ANK3: variants seen among roughly 807,000 people sequenced by gnomAD.
ANK3 encodes the protein ankyrin 3, also known as ankyrin-3.
ANK3 carries 57 observed loss-of-function variants against 370.9 expected under a neutral mutation model. The observed-to-expected ratio is 0.15, with a 90% CI of 0.12 to 0.19. ANK3 has a LOEUF of 0.19. Among genes scored for constraint, ANK3 ranks in the 10% least tolerant of loss-of-function variants. The pLI, the probability that ANK3 is intolerant of heterozygous loss-of-function variation, is 1.00. For missense variants in ANK3, 4,439 were observed against 5,302.1 expected (o/e 0.84, Z 5.06); for synonymous variants, 1,929 against 1,946.3 (o/e 0.99, Z 0.23).
At chr10:60,256,839 T>C (rs1319676765) in intron 7 of ANK3, among the ~76,000 whole-genome samples, 3 of 152,244 alleles carry the variant, frequency 2.0e-5, no homozygotes, top group Non-Finnish European at 2.9e-5. Context: ...CTCCATAGTA[T>C]ATATGTACCA....
At chr10:60,603,191 A>G (rs1035611577) in intron 2 of ANK3, among the ~76,000 whole-genome samples, 5 of 152,146 alleles carry the variant, frequency 3.3e-5, no homozygotes, top group Non-Finnish European at 7.4e-5. Flanking sequence ...GGAGTTTGGA[A>G]ACTAAGACAA....
intron 2 of ANK3, among the ~76,000 whole-genome samples, chr10:60,501,985 C>T (rs577539113): frequency 2.0e-5 from 3 of 152,076 alleles, no homozygotes; most frequent in African/African-American, 7.2e-5. Flanking sequence ...GAGACTCTGT[C>T]CATTATGCAG....
rs775651285 is a variant in ANK3 at position 60,073,910 on chromosome 10, G to T, written c.6971C>A (p.Pro2324His). ...QHAEKDNQMK[P>H]KLERIIEVHI... Reference sequence around the variant, plus strand: ...GACTTCTATTATACGCTCCAGTTTGGGTTTCATTTGGTTGTCCTTCTCTGC... The same window carrying T: ...GACTTCTATTATACGCTCCAGTTTGTGTTTCATTTGGTTGTCCTTCTCTGC... The change falls in exon 37 of 44, where the codon CCC becomes CAC. Residue 2324 changes from proline to histidine, a missense_variant. By Grantham distance (77) the Pro-to-His change is moderately conservative (BLOSUM62 -2). Coordinates refer to ENST00000280772, the MANE Select transcript of ANK3 (RefSeq NM_020987.5). 10 of 1,613,720 alleles carry T rather than the reference G, an allele frequency of 6.2e-6. No homozygotes were observed. Among genetic ancestry groups the T allele is most frequent in the East Asian group, 2.2e-5 (1 of 44,876 alleles).
rs532368278 is a variant in ANK3 at position 60,036,339 on chromosome 10, C to T, written c.*19+6333G>A. On this transcript the variant is annotated intron_variant, in intron 43 of 43. Transcript: ENST00000280772. ...GGTTCTATTCTTGGTTTTTTTAATACTAGTAGCAATAGCTGACGCTTATTG... is the reference window on the plus strand; with the variant it reads ...GGTTCTATTCTTGGTTTTTTTAATATTAGTAGCAATAGCTGACGCTTATTG... Among the ~76,000 whole-genome samples the T allele has an allele frequency of 6.0e-5, 9 of 149,132 alleles. 1 individual carries two copies. The Admixed American group carries it at 6.0e-4, about 10-fold the overall frequency.
chr10:60,620,636 T>G (rs1343196476), intron 1 of ANK3, among the ~76,000 whole-genome samples: 1 of 152,154 alleles, frequency 6.6e-6, no homozygotes, highest in Non-Finnish European at 1.5e-5. Context: ...AATTTAAATG[T>G]TTTTATATTG....
chr10:60,138,658 G>A (rs961500403), intron 24 of ANK3: 1 of 460,382 alleles, frequency 2.2e-6, no homozygotes. Flanking sequence ...TTTGAAATAT[G>A]TGACTCAGAT....
chr10:60,619,088 G>T (rs1462404247), intron 1 of ANK3, among the ~76,000 whole-genome samples: 2 of 151,806 alleles, frequency 1.3e-5, no homozygotes, highest in Non-Finnish European at 2.9e-5. Context: ...TCACCCCCAG[G>T]CTTTCTCCCA....
intron 2 of ANK3, among the ~76,000 whole-genome samples, chr10:60,415,910 A>AT (rs2063652141): frequency 9.5e-6 from 1 of 105,304 alleles, no homozygotes. Context: ...TATGGTCTGA[A>AT]TTTGTGCCCC....
At chr10:60,482,330 A>G (rs1396284982) in intron 2 of ANK3, among the ~76,000 whole-genome samples, 1 of 152,200 alleles carries the variant, frequency 6.6e-6, no homozygotes, top group African/African-American at 2.4e-5. Flanking sequence ...TGAGAGCAAC[A>G]AACTGATTTC....
chr10:60,470,237 GTTATT>G (rs2065183846), intron 2 of ANK3, among the ~76,000 whole-genome samples: 1 of 152,040 alleles, frequency 6.6e-6, no homozygotes, highest in African/African-American at 2.4e-5. Flanking sequence ...GCTCTTTGTT[GTTATT>G]TTAGTTGGAT....
At chr10:60,658,887 AAG>A (rs199630420) in intron 1 of ANK3, among the ~76,000 whole-genome samples, 3,437 of 147,526 alleles carry the variant, frequency 0.023, 77 homozygotes, top group Non-Finnish European at 0.032. Context: ...AGAAAAGAGA[AAG>A]AGAGAGAAAA....
At chr10:60,159,884 C>T (rs948907582) in intron 23 of ANK3, among the ~76,000 whole-genome samples, 1 of 151,818 alleles carries the variant, frequency 6.6e-6, no homozygotes, top group African/African-American at 2.4e-5. Flanking sequence ...AAAATGGGAA[C>T]ACAACACACT....
At chr10:60,436,732 A>T (rs1205580505) in intron 2 of ANK3, among the ~76,000 whole-genome samples, 1 of 152,236 alleles carries the variant, frequency 6.6e-6, no homozygotes, top group Non-Finnish European at 1.5e-5. Flanking sequence ...GGTGATCCGC[A>T]AATATATCTC....
intron 2 of ANK3, among the ~76,000 whole-genome samples, chr10:60,566,673 G>C (rs867130851): frequency 6.6e-6 from 1 of 152,180 alleles, no homozygotes; most frequent in African/African-American, 2.4e-5. Flanking sequence ...AGTAATTAAA[G>C]ACCCGTGTGG....
chr10:60,395,387 T>G (rs937769364), intron 2 of ANK3, among the ~76,000 whole-genome samples: 1 of 152,198 alleles, frequency 6.6e-6, no homozygotes, highest in African/African-American at 2.4e-5. Flanking sequence ...AAATGTGAAA[T>G]TAGATGCATG....
At chr10:60,262,029 C>T in intron 6 of ANK3, 72 bp from the exon 7 acceptor site, 1 of 1,312,798 alleles carries the variant, frequency 7.6e-7, no homozygotes, top group Non-Finnish European at 1.1e-6. Context: ...ATATCATAAC[C>T]CTGCCCAAAT....
intron 28 of ANK3, among the ~76,000 whole-genome samples, chr10:60,088,900 A>G (rs192954865): frequency 1.3e-5 from 2 of 152,348 alleles, no homozygotes; most frequent in Non-Finnish European, 2.9e-5. Flanking sequence ...ATTTTCAAGA[A>G]CTGACATTTT....
At chr10:60,245,133 C>A (rs2097534277) in intron 7 of ANK3, among the ~76,000 whole-genome samples, 1 of 152,018 alleles carries the variant, frequency 6.6e-6, no homozygotes, top group Non-Finnish European at 1.5e-5. Context: ...TGCGCCACTG[C>A]ACTCCAGCCT....
Position 60,235,158 on chromosome 10 carries a change from AG to A in ANK3, c.799-373del, listed in dbSNP as rs2097309333. Reference sequence around the variant, plus strand: ...TGACTAACAAGTAGCTGATTAAGTCAGTACAGACTCAGTTTAAAAGAGTGTC... The same window carrying A: ...TGACTAACAAGTAGCTGATTAAGTCATACAGACTCAGTTTAAAAGAGTGTC... On this transcript the variant is annotated intron_variant, in intron 7 of 43. Coordinates refer to ENST00000280772, the MANE Select transcript of ANK3 (RefSeq NM_020987.5). 1.3e-5 allele frequency among the ~76,000 whole-genome samples: 2 copies of A among 152,244 alleles called. 1 individual carries two copies. The highest frequency in any genetic ancestry group is 4.8e-5 in the African/African-American group (2 of 41,472).
Sources: allele counts gnomAD v4.1 joint callset (sites outside exome capture counted in the v4.1 genomes callset), GRCh38; gene constraint gnomAD v4.1.1; transcripts MANE v1.5; gene names NCBI Gene and HGNC (gene_info 2026-07-23, HGNC 2026-07-21).